TMEM229B: variants seen among roughly 807,000 people sequenced by gnomAD.
The protein encoded by TMEM229B is transmembrane protein 229B.
A neutral mutation model predicts 13.7 loss-of-function variants in TMEM229B; 6 were observed. The observed-to-expected ratio is 0.44, with a 90% CI of 0.24 to 0.86. TMEM229B has a LOEUF of 0.86. Ranked by LOEUF, TMEM229B falls within the 40% of genes least tolerant of loss-of-function variation. The pLI is 0.23. For missense variants in TMEM229B, 170 were observed against 236.0 expected, an observed-to-expected ratio of 0.72 and a Z score of 1.83; for synonymous variants, 107 against 102.1, an observed-to-expected ratio of 1.05 and a Z score of -0.29.
intron 1 of TMEM229B, among the ~76,000 whole-genome samples, chr14:67,531,783 C>T (rs1044067204): frequency 2.0e-5 from 3 of 146,472 alleles, no homozygotes; most frequent in African/African-American, 7.6e-5. Context: ...TAGCATGTGC[C>T]TATAGTCCCA....
At chr14:67,484,584 C>T (rs910032963) in intron 2 of TMEM229B, among the ~76,000 whole-genome samples, 1 of 151,958 alleles carries the variant, frequency 6.6e-6, no homozygotes, top group Non-Finnish European at 1.5e-5. Flanking sequence ...TGTAGTCATC[C>T]GGATTCAATT....
At chr14:67,493,611 G>A (rs1329780837), upstream of TMEM229B, among the ~76,000 whole-genome samples, 1 of 152,178 alleles carries the variant, frequency 6.6e-6, no homozygotes, top group Non-Finnish European at 1.5e-5. Flanking sequence ...GGGTCAGTGT[G>A]CTTTGGATGC....
intron 2 of TMEM229B, among the ~76,000 whole-genome samples, chr14:67,480,387 A>G (rs888855721): frequency 3.3e-5 from 5 of 152,196 alleles, no homozygotes; most frequent in Non-Finnish European, 7.3e-5. Flanking sequence ...GGGAGACTGA[A>G]GGTGAGCCTC....
intron 1 of TMEM229B, among the ~76,000 whole-genome samples, chr14:67,525,197 G>A (rs1450759453): frequency 4.6e-5 from 7 of 151,880 alleles, no homozygotes; most frequent in Non-Finnish European, 1.0e-4. Flanking sequence ...GTTAATCTCT[G>A]GGAAAAATAA....
intron 1 of TMEM229B, among the ~76,000 whole-genome samples, chr14:67,503,188 C>A (rs2032679893): frequency 6.6e-6 from 1 of 152,126 alleles, no homozygotes; most frequent in Non-Finnish European, 1.5e-5. Context: ...GACAAAATGA[C>A]AAGAGGAGTT....
chr14:67,473,409 C>A lies in TMEM229B; in HGVS notation c.*11G>T. On this transcript the variant is annotated 3_prime_UTR_variant, in exon 3 of 3. Coordinates refer to ENST00000554480, the MANE Select transcript of TMEM229B (RefSeq NM_001348543.2). The surrounding 1 kb of genome is among the most constrained non-coding windows in gnomAD (Gnocchi z 6.5). ...CATGAGAGATCCCCAGGCCCCCCAC[C>A]CGCTTCCTGCTCAGTCAGTCTTGAC... 6.2e-7 allele frequency: 1 copy of A among 1,611,244 alleles called. No individual in the cohort carries two copies. Among genetic ancestry groups the A allele is most frequent in the Non-Finnish European group, 8.5e-7 (1 of 1,178,342 alleles).
intron 1 of TMEM229B, among the ~76,000 whole-genome samples, chr14:67,514,097 TGAGCA>T (rs1417662222): frequency 6.6e-6 from 1 of 152,150 alleles, no homozygotes; most frequent in African/African-American, 2.4e-5. Context: ...TGAGAATTGG[TGAGCA>T]GAGCCCCCAA....
At chr14:67,483,769 G>A (rs1455307876) in intron 2 of TMEM229B, among the ~76,000 whole-genome samples, 1 of 152,322 alleles carries the variant, frequency 6.6e-6, no homozygotes, top group South Asian at 2.1e-4. Flanking sequence ...CAGATGGCCC[G>A]GCCCAGCCCT....
chr14:67,507,299 T>C (rs2032862456), intron 1 of TMEM229B, among the ~76,000 whole-genome samples: 1 of 151,102 alleles, frequency 6.6e-6, no homozygotes, highest in Non-Finnish European at 1.5e-5. Flanking sequence ...CAGTGAGCTA[T>C]GATTATGCCA....
chr14:67,533,323 A>C (rs2033534836), intron 1 of TMEM229B: 1 of 151,506 alleles, frequency 6.6e-6, no homozygotes, highest in South Asian at 2.1e-4. Context: ...AGAGCGACGC[A>C]AGGTCGGCTG....
chr14:67,504,877 A>G (rs1408952455), intron 1 of TMEM229B, among the ~76,000 whole-genome samples: 1 of 152,164 alleles, frequency 6.6e-6, no homozygotes, highest in Non-Finnish European at 1.5e-5. Context: ...CAAGAGCGAC[A>G]CTCCGTCTCA....
At chr14:67,505,571 G>A (rs2032794450) in intron 1 of TMEM229B, among the ~76,000 whole-genome samples, 1 of 152,170 alleles carries the variant, frequency 6.6e-6, no homozygotes, top group Non-Finnish European at 1.5e-5. Flanking sequence ...ATGTGGGCTG[G>A]CATGAGGTCA....
chr14:67,512,708 C>T (rs2033068650), intron 1 of TMEM229B, among the ~76,000 whole-genome samples: 1 of 152,092 alleles, frequency 6.6e-6, no homozygotes, highest in Admixed American at 6.5e-5. Flanking sequence ...TCAGAGTCCC[C>T]AACATCATCG....
chr14:67,491,693 C>T (rs926621805), upstream of TMEM229B, among the ~76,000 whole-genome samples: 1 of 152,194 alleles, frequency 6.6e-6, no homozygotes, highest in African/African-American at 2.4e-5. Flanking sequence ...CTCAAAGCCC[C>T]CAGTTCTTCT....
intron 1 of TMEM229B, among the ~76,000 whole-genome samples, chr14:67,527,133 G>C (rs2033379949): frequency 6.6e-6 from 1 of 152,164 alleles, no homozygotes; most frequent in South Asian, 2.1e-4. Flanking sequence ...GCCCCGCAAG[G>C]GAACCCACAC....
chr14:67,486,411 A>T (rs1441943056), intron 2 of TMEM229B, among the ~76,000 whole-genome samples: 1 of 152,190 alleles, frequency 6.6e-6, no homozygotes, highest in Admixed American at 6.5e-5. Context: ...AATAGCTGGG[A>T]CCACAGGTGC....
At position 67,483,674 on chromosome 14, in the gene TMEM229B, T is replaced by G. The variant is rs544016478; in HGVS notation, c.-19+3326A>C. Among the ~76,000 whole-genome samples, 27 of 152,270 alleles carry G rather than the reference T, an allele frequency of 1.8e-4. No individual in the cohort carries two copies. The South Asian group carries it at 5.4e-3, about 30-fold the overall frequency. Reference sequence around the variant, plus strand: ...CAACCAACCCTCAGGCCCCAAGGCATGCGCCATTCAAAGGCCCCTCACCAG... The same window carrying G: ...CAACCAACCCTCAGGCCCCAAGGCAGGCGCCATTCAAAGGCCCCTCACCAG... On this transcript the variant is annotated intron_variant, in intron 2 of 2. Transcript: ENST00000554480.
upstream of TMEM229B, among the ~76,000 whole-genome samples, chr14:67,492,691 C>T (rs2032217593): frequency 3.9e-5 from 6 of 152,228 alleles, no homozygotes; most frequent in Non-Finnish European, 8.8e-5. Flanking sequence ...CTTTTCACAG[C>T]CTGTACAGCC....
rs2030733688 is a variant in TMEM229B, at chr14:67,471,660, C to T, written c.*1760G>A. On this transcript the variant is annotated 3_prime_UTR_variant, in exon 3 of 3. Coordinates refer to ENST00000554480, the MANE Select transcript of TMEM229B (RefSeq NM_001348543.2). ...AGGCTAGGAAATACCCTTCGTTCTG[C>T]TCTGGACGGGGCTAACTGCAGAAAA... 1 of 152,254 alleles carries T rather than the reference C, an allele frequency of 6.6e-6. No individual in the cohort carries two copies. The highest frequency in any genetic ancestry group is 1.5e-5 in the Non-Finnish European group (1 of 68,096). The allele number at this position is 152,254 out of a possible 1,614,324, so 9.4% of individuals were successfully genotyped here.
Sources: gnomAD v4.1 joint callset for allele counts (sites outside exome capture counted in the v4.1 genomes callset) on GRCh38, gnomAD v4.1.1 for gene constraint, Gnocchi (gnomAD v3.1) non-coding constraint, MANE v1.5 for transcripts, NCBI Gene and HGNC (gene_info 2026-07-23, HGNC 2026-07-21) for gene names.